The following CNTNAP2 variants were observed in gnomAD, a reference collection of about 807,000 sequenced individuals.
CNTNAP2 encodes the protein contactin-associated protein-like 2.
In CNTNAP2, 98 loss-of-function variants were observed where a neutral mutation model predicts 155.2. The ratio of observed to expected loss-of-function variants is 0.63; its 90% CI spans 0.54 to 0.75. The LOEUF (loss-of-function observed/expected upper bound fraction) is 0.75. Ranked by LOEUF, CNTNAP2 falls within the 30% of genes least tolerant of loss-of-function variation. The pLI is 0.00. For synonymous variants in CNTNAP2, 651 were observed against 631.2 expected, an observed-to-expected ratio of 1.03 and a Z score of -0.47; for missense variants, 1,727 against 1,688.1, an observed-to-expected ratio of 1.02 and a Z score of -0.40.
rs10631041 is a variant in CNTNAP2, at chr7:146,200,495, C to CATATAT, written c.97+83532_97+83537dup. Among the ~76,000 whole-genome samples, 16 of 142,570 alleles carry CATATAT rather than the reference C, an allele frequency of 1.1e-4. No individual in the cohort carries two copies. The South Asian group carries it at 1.8e-3, about 16-fold the overall frequency. 93.5% of individuals were successfully genotyped at this position (142,570 alleles called of 152,430 possible). A position where few individuals can be genotyped will look rare whatever the true frequency, so the allele number is the denominator to read the frequency against. On this transcript the variant is annotated intron_variant, in intron 1 of 23. Transcript: ENST00000361727. ...GTGACAGAGCAATACTCCGTCTAAACATATATATATATATACACACACACA... is the reference window on the plus strand; with the variant it reads ...GTGACAGAGCAATACTCCGTCTAAACATATATATATATATATATATACACACACACA...
At chr7:146,553,806 T>A (rs993479902) in intron 1 of CNTNAP2, among the ~76,000 whole-genome samples, 1 of 152,166 alleles carries the variant, frequency 6.6e-6, no homozygotes, top group Non-Finnish European at 1.5e-5. Flanking sequence ...TACGTAAGTG[T>A]GAGCTCTTCT....
chr7:146,750,742 A>G (rs1801888825), intron 1 of CNTNAP2, among the ~76,000 whole-genome samples: 1 of 152,136 alleles, frequency 6.6e-6, no homozygotes, highest in Admixed American at 6.6e-5. Context: ...AGAAATGTAT[A>G]TAGTGATTGT....
intron 15 of CNTNAP2, among the ~76,000 whole-genome samples, chr7:148,066,755 C>T (rs1803273982): frequency 6.6e-6 from 1 of 152,278 alleles, no homozygotes; most frequent in African/African-American, 2.4e-5. Flanking sequence ...GCCTCAACCT[C>T]CCAAAGTGCT....
chr7:147,398,405 G>GAAA (rs35760248), intron 10 of CNTNAP2, among the ~76,000 whole-genome samples: 3 of 146,344 alleles, frequency 2.0e-5, no homozygotes, highest in African/African-American at 2.5e-5. Flanking sequence ...TTGAGAGGGA[G>GAAA]AAAAAAAAAA....
intron 15 of CNTNAP2, among the ~76,000 whole-genome samples, chr7:148,022,415 G>A (rs1802296629): frequency 6.7e-6 from 1 of 149,890 alleles, no homozygotes; most frequent in Non-Finnish European, 1.5e-5. Context: ...GTTGCAGTGA[G>A]CCGAGATCGT....
chr7:148,101,473 C>T (rs778898084), intron 15 of CNTNAP2, among the ~76,000 whole-genome samples: 1 of 151,662 alleles, frequency 6.6e-6, no homozygotes, highest in Admixed American at 6.6e-5. Flanking sequence ...GACCATTCTC[C>T]AGTACTAAAT....
chr7:146,652,640 T>C (rs545050756), intron 1 of CNTNAP2, among the ~76,000 whole-genome samples: 11 of 152,294 alleles, frequency 7.2e-5, no homozygotes, highest in African/African-American at 2.4e-4. Flanking sequence ...ATTATAGACT[T>C]ATTTCACAGT....
chr7:147,300,250 T>G lies in CNTNAP2; in HGVS notation c.1458T>G (p.Ser486Arg). ...AAGCATCAGCAGTTCGAACTAATAG[T>G]CCCCTTCAAGTTAAAACTGGCGAGA... ...GDEASAVRTNSPLQVKTGEKY... is the reference protein window; with the variant it reads ...GDEASAVRTNRPLQVKTGEKY... The change falls in exon 9 of 24, where the codon AGT (serine) becomes AGG (arginine). Residue 486 changes from serine (S) to arginine (R), a missense_variant. By Grantham distance (110) the Ser-to-Arg change is moderately radical. Coordinates refer to ENST00000361727, the MANE Select transcript of CNTNAP2 (RefSeq NM_014141.6). 6 of 1,613,888 alleles carry G rather than the reference T, an allele frequency of 3.7e-6. No individual in the cohort carries two copies. The highest frequency in any genetic ancestry group is 5.1e-6 in the Non-Finnish European group (6 of 1,179,884).
intron 21 of CNTNAP2, among the ~76,000 whole-genome samples, chr7:148,355,926 A>G (rs982262483): frequency 2.0e-5 from 3 of 152,216 alleles, no homozygotes; most frequent in African/African-American, 7.2e-5. Context: ...GCGTATTGGT[A>G]GCACTGGTTC....
chr7:146,613,567 G>A (rs1799174984), intron 1 of CNTNAP2, among the ~76,000 whole-genome samples: 2 of 151,660 alleles, frequency 1.3e-5, no homozygotes, highest in African/African-American at 2.4e-5. Flanking sequence ...AGTAAAAAAA[G>A]ATAAAATTAA....
chr7:147,853,554 C>G (rs1031204735), intron 13 of CNTNAP2, among the ~76,000 whole-genome samples: 1 of 152,086 alleles, frequency 6.6e-6, no homozygotes, highest in South Asian at 2.1e-4. Context: ...ATTAGAAGCT[C>G]GATTATATAT....
chr7:146,836,094 A>G (rs1803611481), intron 2 of CNTNAP2, among the ~76,000 whole-genome samples: 1 of 152,230 alleles, frequency 6.6e-6, no homozygotes, highest in East Asian at 1.9e-4. Context: ...ATATGATAAT[A>G]GAAACTGAGA....
intron 1 of CNTNAP2, among the ~76,000 whole-genome samples, chr7:146,431,783 C>T (rs1796177050): frequency 6.6e-6 from 1 of 152,124 alleles, no homozygotes; most frequent in South Asian, 2.1e-4. Context: ...AGCCAGAATT[C>T]AAACTCAGAC....
chr7:147,063,164 G>T (rs1164636361), intron 4 of CNTNAP2, among the ~76,000 whole-genome samples: 2 of 152,032 alleles, frequency 1.3e-5, no homozygotes, highest in Non-Finnish European at 2.9e-5. Flanking sequence ...TATTGGATTT[G>T]GTTTTAGTGC....
intron 13 of CNTNAP2, among the ~76,000 whole-genome samples, chr7:147,666,415 G>T (rs996564985): frequency 3.3e-5 from 5 of 152,142 alleles, no homozygotes; most frequent in African/African-American, 1.2e-4. Context: ...TGATGCTGGT[G>T]TAAACAAACC....
intron 6 of CNTNAP2, chr7:147,121,491 T>A: frequency 3.4e-6 from 1 of 292,118 alleles, no homozygotes. Flanking sequence ...CAATTCTTCT[T>A]GAGAATGTGC....
chr7:147,183,220 A>C (rs1257441493), intron 8 of CNTNAP2, among the ~76,000 whole-genome samples: 4 of 152,142 alleles, frequency 2.6e-5, no homozygotes, highest in Admixed American at 6.5e-5. Flanking sequence ...ATTAAAATCT[A>C]CTTTTATTTT....
At chr7:148,022,946 G>A (rs925269085) in intron 15 of CNTNAP2, among the ~76,000 whole-genome samples, 1 of 152,118 alleles carries the variant, frequency 6.6e-6, no homozygotes, top group African/African-American at 2.4e-5. Flanking sequence ...GACACTGCCT[G>A]TACAGCACCG....
At chr7:147,778,910 C>T (rs1797626383) in intron 13 of CNTNAP2, among the ~76,000 whole-genome samples, 3 of 152,158 alleles carry the variant, frequency 2.0e-5, no homozygotes, top group South Asian at 2.1e-4. Flanking sequence ...CATAGTTGAC[C>T]TCTTATAGTA....
Sources: allele counts gnomAD v4.1 joint callset (sites outside exome capture counted in the v4.1 genomes callset), GRCh38; gene constraint gnomAD v4.1.1; transcripts MANE v1.5; gene names NCBI Gene and HGNC (gene_info 2026-07-23, HGNC 2026-07-21).